DSCAM: variants seen among roughly 807,000 people sequenced by gnomAD.
DSCAM encodes the protein cell adhesion molecule DSCAM.
Under a neutral mutation model 217.7 loss-of-function variants are expected in DSCAM, and 47 were observed. The ratio of observed to expected loss-of-function variants is 0.22; its 90% confidence interval spans 0.17 to 0.28. DSCAM has a LOEUF of 0.28. Ranked by LOEUF, DSCAM falls within the 10% of genes least tolerant of loss-of-function variation. The pLI, the probability that DSCAM is intolerant of heterozygous loss-of-function variation, is 1.00. For synonymous variants in DSCAM, 1,056 were observed against 1,015.3 expected (o/e 1.04, Z -0.76); for missense variants, 2,080 against 2,618.3 (o/e 0.79, Z 4.49).
chr21:40,142,522 G>A (rs1365174111), intron 18 of DSCAM, 36 bp downstream of exon 18: 4 of 1,610,302 alleles, frequency 2.5e-6, no homozygotes, highest in Admixed American at 3.4e-5. Flanking sequence ...TGCATTCTCT[G>A]GAGGCAAACC....
At chr21:40,259,661 CTTTTTTTT>C (rs542106779) in intron 11 of DSCAM, among the ~76,000 whole-genome samples, 32 of 59,514 alleles carry the variant, frequency 5.4e-4, no homozygotes, top group South Asian at 3.9e-3. Context: ...GTCAGCCATT[CTTTTTTTT>C]TTTTTTTTTT....
chr21:40,788,558 C>T (rs952940276), intron 1 of DSCAM, among the ~76,000 whole-genome samples: 2 of 152,108 alleles, frequency 1.3e-5, no homozygotes, highest in Admixed American at 1.3e-4. Context: ...TTTGGAAGCA[C>T]TCATTCTTAT....
Position 40,042,543 on chromosome 21 carries a change from G to A in DSCAM, c.5514C>T (p.Phe1838=), listed in dbSNP as rs1478847569. The change falls in exon 32 of 33, where the codon TTC becomes TTT. Residue 1838 remains phenylalanine, a synonymous_variant. Coordinates refer to ENST00000400454, the MANE Select transcript of DSCAM (RefSeq NM_001389.5). ...RHAKFTITEC[F]ISDTSSEQLT... ...ACTGCTCCGATGACGTGTCTGATAT[G>A]AAGCACTCCGTGATGGTGAACTTGG... 5 of 1,614,112 alleles carry A rather than the reference G, an allele frequency of 3.1e-6. No homozygotes were observed. The highest frequency in any genetic ancestry group is 4.2e-6 in the Non-Finnish European group (5 of 1,180,050).
intron 3 of DSCAM, among the ~76,000 whole-genome samples, chr21:40,377,484 G>C (rs2016836194): frequency 6.6e-6 from 1 of 152,072 alleles, no homozygotes; most frequent in Non-Finnish European, 1.5e-5. Context: ...GCCAGGTATT[G>C]ATTCTGAGGG....
intron 15 of DSCAM, among the ~76,000 whole-genome samples, chr21:40,177,961 C>T (rs984828022): frequency 1.3e-5 from 2 of 152,158 alleles, no homozygotes; most frequent in African/African-American, 4.8e-5. Flanking sequence ...GACTAAGCTG[C>T]CATCTTCCCT....
At chr21:40,573,201 G>A (rs899904685) in intron 3 of DSCAM, among the ~76,000 whole-genome samples, 4 of 152,104 alleles carry the variant, frequency 2.6e-5, no homozygotes, top group African/African-American at 7.2e-5. Context: ...AGCCGGGCGC[G>A]GTGGCGGGTG....
In DSCAM at chr21:40,134,133, G is replaced by A. The variant is rs141053101; in HGVS notation, c.3407-124C>T. On this transcript the variant is annotated intron_variant, in intron 18 of 32. Coordinates refer to ENST00000400454, the MANE Select transcript of DSCAM (RefSeq NM_001389.5). ...ACCCGTCCAGCCATCATCTGGACAC[G>A]AGAATTCTCAAAGGGACTGTGCACA... 2.8e-4 allele frequency: 343 copies of A among 1,222,146 alleles called. 1 individual carries two copies. In the African/African-American group the frequency reaches 4.1e-3, roughly 15 times the overall value. The allele number at this position is 1,222,146 out of a possible 1,614,324, so 75.7% of individuals were successfully genotyped here.
intron 1 of DSCAM, among the ~76,000 whole-genome samples, chr21:40,733,877 C>A (rs1017781193): frequency 1.3e-5 from 2 of 152,118 alleles, no homozygotes; most frequent in Non-Finnish European, 2.9e-5. Context: ...CACCCGTCAG[C>A]ACCACATTGT....
At chr21:40,791,192 A>G (rs1044994388) in intron 1 of DSCAM, among the ~76,000 whole-genome samples, 1 of 151,800 alleles carries the variant, frequency 6.6e-6, no homozygotes, top group African/African-American at 2.4e-5. Context: ...AAATATGCTT[A>G]GTACTGACTG....
chr21:40,059,793 T>C (rs752768177), intron 28 of DSCAM, among the ~76,000 whole-genome samples: 4 of 152,200 alleles, frequency 2.6e-5, no homozygotes, highest in African/African-American at 4.8e-5. Context: ...GAGCACAGAC[T>C]TGTGGTTCGT....
chr21:40,414,048 G>A (rs1292332652), intron 3 of DSCAM, among the ~76,000 whole-genome samples: 9 of 152,076 alleles, frequency 5.9e-5, no homozygotes, highest in Non-Finnish European at 7.4e-5. Flanking sequence ...TTAAGAAAAC[G>A]GAAGTGACCT....
chr21:40,327,532 T>C (rs1350896666), intron 8 of DSCAM, among the ~76,000 whole-genome samples: 1 of 152,162 alleles, frequency 6.6e-6, no homozygotes, highest in Non-Finnish European at 1.5e-5. Context: ...TCTGAATGCC[T>C]TGTATTTCTT....
intron 6 of DSCAM, among the ~76,000 whole-genome samples, chr21:40,346,395 CAG>C (rs2074558258): frequency 6.6e-6 from 1 of 152,202 alleles, no homozygotes; most frequent in South Asian, 2.1e-4. Context: ...AAAAGAATGA[CAG>C]AAATATGGTC....
chr21:40,424,845 G>A (rs180904656), intron 3 of DSCAM, among the ~76,000 whole-genome samples: 12 of 152,244 alleles, frequency 7.9e-5, no homozygotes, highest in Admixed American at 6.5e-5. Context: ...TGTAATCCCA[G>A]CACTTTGGGA....
At chr21:40,061,594 A>G (rs547029764) in intron 28 of DSCAM, among the ~76,000 whole-genome samples, 2 of 149,614 alleles carry the variant, frequency 1.3e-5, no homozygotes, top group Admixed American at 1.3e-4. Context: ...AAGAAAAAGG[A>G]AAAGACTTAT....
intron 10 of DSCAM, among the ~76,000 whole-genome samples, chr21:40,285,064 A>G (rs2073808444): frequency 6.6e-6 from 1 of 151,724 alleles, no homozygotes. Context: ...CTTTTTTTTT[A>G]AATCAGCCAG....
Position 40,144,027 on chromosome 21 carries a change from G to A in DSCAM, c.3259+464C>T, listed in dbSNP as rs1324174759. 1.3e-5 allele frequency among the ~76,000 whole-genome samples: 2 copies of A among 152,116 alleles called. No individual in the cohort carries two copies. Among genetic ancestry groups the A allele is most frequent in the East Asian group, 3.9e-4 (2 of 5,186 alleles). On this transcript the variant is annotated intron_variant, in intron 17 of 32. Coordinates refer to ENST00000400454, the MANE Select transcript of DSCAM (RefSeq NM_001389.5). The surrounding 1 kb of genome is among the most constrained non-coding windows in gnomAD (Gnocchi z 4.8). ...CTAATTAATTTATCTCGGCCGCTAG[G>A]GGGCGATCGATCACTGTGCAATCTG...
Position 40,829,063 on chromosome 21 carries a change from C to T in DSCAM, c.43+17556G>A, listed in dbSNP as rs2091992530. ...GCTGTGGGAATACTTGAATGCAACA[C>T]TGCTGTCAATTTTATCTGCCCAGGG... On this transcript the variant is annotated intron_variant, in intron 1 of 32. Coordinates refer to ENST00000400454, the MANE Select transcript of DSCAM (RefSeq NM_001389.5). Among the ~76,000 whole-genome samples, 3 of 152,216 alleles carry T rather than the reference C, an allele frequency of 2.0e-5. No homozygotes were observed. The South Asian group carries it at 6.2e-4, about 32-fold the overall frequency.
chr21:40,487,322 TGTGTGAGAGAGA>T (rs1474863537), intron 3 of DSCAM, among the ~76,000 whole-genome samples: 81 of 138,434 alleles, frequency 5.9e-4, no homozygotes, highest in African/African-American at 1.4e-3. Context: ...TGTGTGTGTG[TGTGTGAGAGAGA>T]GAGAGAGAGA....
Sources: allele counts gnomAD v4.1 joint callset (sites outside exome capture counted in the v4.1 genomes callset), GRCh38; gene constraint gnomAD v4.1.1; non-coding constraint Gnocchi (gnomAD v3.1); transcripts MANE v1.5; gene names NCBI Gene and HGNC (gene_info 2026-07-23, HGNC 2026-07-21).